The following GRIK4 variants were observed in gnomAD, a reference collection of about 807,000 sequenced individuals.
The protein encoded by GRIK4 is glutamate ionotropic receptor kainate type subunit 4.
GRIK4 carries 40 observed loss-of-function variants against 104.9 expected under a neutral mutation model. The observed-to-expected ratio is 0.38, with a 90% CI of 0.30 to 0.50. GRIK4 has a LOEUF of 0.50. GRIK4 is among the 20% of genes least tolerant of loss of function. The pLI is 0.93. For missense variants in GRIK4, 1,047 were observed against 1,308.1 expected, an observed-to-expected ratio of 0.80 and a Z score of 3.08; for synonymous variants, 485 against 524.9, an observed-to-expected ratio of 0.92 and a Z score of 1.04.
chr11:120,826,348 A>G (rs1953258642), intron 6 of GRIK4, among the ~76,000 whole-genome samples: 2 of 152,072 alleles, frequency 1.3e-5, no homozygotes, highest in African/African-American at 4.8e-5. Flanking sequence ...GAATCAGATA[A>G]TCTGGGTTTG....
chr11:120,790,102 C>T lies in GRIK4; in HGVS notation c.83-12591C>T, dbSNP rs575898874. 3.3e-5 allele frequency among the ~76,000 whole-genome samples: 5 copies of T among 152,282 alleles called. No individual in the cohort carries two copies. The East Asian group carries it at 7.7e-4, about 24-fold the overall frequency. ...ATGAACAGCTGGTTCATGGTGGGAG[C>T]ATCGTAAGATTTTGTCATATCACTT... On this transcript the variant is annotated intron_variant, in intron 3 of 20. Transcript: ENST00000527524.
Position 120,987,722 on chromosome 11 carries a change from T to C in GRIK4, c.*1462T>C, listed in dbSNP as rs1183208649. ...ACCAGGTGACTGCTAGTGACTGCTC[T>C]CCATGTGAGAAGTTTGCAGAGTCCA... is the stretch of plus-strand genomic sequence containing the variant. On this transcript the variant is annotated 3_prime_UTR_variant, in exon 21 of 21. Transcript: ENST00000527524. The C allele has an allele frequency of 6.6e-6, 1 of 152,326 alleles. No homozygotes were observed. Among genetic ancestry groups the C allele is most frequent in the East Asian group, 1.9e-4 (1 of 5,186 alleles). The allele number at this position is 152,326 out of a possible 1,614,324, so 9.4% of individuals were successfully genotyped here.
At chr11:120,916,623 C>T (rs762726353) in intron 13 of GRIK4, among the ~76,000 whole-genome samples, 15 of 152,102 alleles carry the variant, frequency 9.9e-5, no homozygotes, top group African/African-American at 2.4e-4. Context: ...GATGTGATAC[C>T]GCAAGTGGAA....
chr11:120,928,994 CGT>C (rs1565445101), intron 13 of GRIK4, among the ~76,000 whole-genome samples: 2 of 145,734 alleles, frequency 1.4e-5, no homozygotes, highest in Non-Finnish European at 3.0e-5. Flanking sequence ...TGTGTGCGCG[CGT>C]GCACGCGTGT....
At chr11:120,547,155 T>C (rs905192553) in intron 1 of GRIK4, among the ~76,000 whole-genome samples, 3 of 152,204 alleles carry the variant, frequency 2.0e-5, no homozygotes, top group African/African-American at 7.2e-5. Flanking sequence ...CCACTCATCC[T>C]CAGGAGCCAG....
At chr11:120,808,979 G>GC (rs549368418) in intron 4 of GRIK4, among the ~76,000 whole-genome samples, 1 of 152,138 alleles carries the variant, frequency 6.6e-6, no homozygotes, top group Non-Finnish European at 1.5e-5. Context: ...GGAGGACCTG[G>GC]CCCCCTGGGT....
In GRIK4 at chr11:120,838,935, C is replaced by T. The variant is rs564011697; in HGVS notation, c.744+2091C>T. ...CCAAGTAGCTGGGATTACAGGCACA[C>T]GCCACCATGCCTCGCTAATTTTTGT... On this transcript the variant is annotated intron_variant, in intron 8 of 20. Coordinates refer to ENST00000527524, the MANE Select transcript of GRIK4 (RefSeq NM_014619.5). Among the ~76,000 whole-genome samples, 356 of 152,224 alleles carry T rather than the reference C, an allele frequency of 2.3e-3. 2 individuals carry two copies. The highest frequency in any genetic ancestry group is 6.9e-3 in the African/African-American group (287 of 41,550).
chr11:120,813,782 A>G (rs1473227063), intron 4 of GRIK4, among the ~76,000 whole-genome samples: 2 of 152,194 alleles, frequency 1.3e-5, no homozygotes, highest in Non-Finnish European at 2.9e-5. Context: ...CTTAACCTCA[A>G]TTGCTAGGCC....
intron 1 of GRIK4, among the ~76,000 whole-genome samples, chr11:120,597,536 A>G (rs1021170809): frequency 2.0e-5 from 3 of 152,148 alleles, no homozygotes; most frequent in African/African-American, 7.2e-5. Flanking sequence ...TGTCACATAA[A>G]GGCAATTTCT....
In GRIK4 at chr11:120,967,751, TC is replaced by T; in HGVS notation, c.2395+431del. On this transcript the variant is annotated intron_variant, in intron 19 of 20. Coordinates refer to ENST00000527524, the MANE Select transcript of GRIK4 (RefSeq NM_014619.5). This position sits in a 1 kb window ranked among gnomAD's most constrained non-coding sequence, Gnocchi z 4.2. ...GATGGCAGCATTCCCCCCACAAACC[TC>T]CCAATGGTTTCCCATCCCACTGGGA... Among the ~76,000 whole-genome samples, 1 of 152,028 alleles carries T rather than the reference TC, an allele frequency of 6.6e-6. No individual in the cohort carries two copies. The highest frequency in any genetic ancestry group is 1.5e-5 in the Non-Finnish European group (1 of 67,962).
chr11:120,653,119 GTATT>G (rs1294842216), intron 1 of GRIK4, among the ~76,000 whole-genome samples: 2 of 152,238 alleles, frequency 1.3e-5, no homozygotes, highest in Non-Finnish European at 2.9e-5. Context: ...GCATTTGACA[GTATT>G]TATGTGTAGC....
Position 120,756,292 on chromosome 11 carries a change from C to G in GRIK4, c.83-46401C>G, listed in dbSNP as rs142335929. Among the ~76,000 whole-genome samples the G allele has an allele frequency of 7.3e-4, 111 of 152,324 alleles. 1 individual carries two copies. Among genetic ancestry groups the G allele is most frequent in the Middle Eastern group, 6.8e-3 (2 of 294 alleles). The stretch of plus-strand genomic sequence containing the variant: ...CCCCTCCAGCAAGATGGCTGGGACC[C>G]CATGTCCTAGCCTGCTCTTGCCCCT... On this transcript the variant is annotated intron_variant, in intron 3 of 20. Transcript: ENST00000527524.
intron 3 of GRIK4, among the ~76,000 whole-genome samples, chr11:120,764,969 G>A (rs1008801345): frequency 2.0e-5 from 3 of 152,074 alleles, no homozygotes; most frequent in Admixed American, 2.0e-4. Context: ...TCTTTGTGGT[G>A]TTCTCTGTAT....
chr11:120,655,950 G>A (rs556499201), intron 2 of GRIK4, among the ~76,000 whole-genome samples: 1 of 152,280 alleles, frequency 6.6e-6, no homozygotes, highest in South Asian at 2.1e-4. Context: ...GCGGTCATAA[G>A]TCTGGGCTTG....
At chr11:120,810,451 A>G (rs2135525381) in intron 4 of GRIK4, among the ~76,000 whole-genome samples, 1 of 152,294 alleles carries the variant, frequency 6.6e-6, no homozygotes, top group South Asian at 2.1e-4. Flanking sequence ...TGTGCTGTGA[A>G]TATAGGGAGG....
intron 1 of GRIK4, among the ~76,000 whole-genome samples, chr11:120,581,171 GTGAGATT>G (rs1168530061): frequency 1.3e-5 from 2 of 152,136 alleles, no homozygotes; most frequent in Non-Finnish European, 2.9e-5. Flanking sequence ...TTTATCAGAT[GTGAGATT>G]TGCAAATAAT....
At chr11:120,825,932 T>G (rs1349126659) in intron 6 of GRIK4, among the ~76,000 whole-genome samples, 1 of 152,180 alleles carries the variant, frequency 6.6e-6, no homozygotes, top group Non-Finnish European at 1.5e-5. Context: ...AGGATGGTAG[T>G]GGGCCTTCCC....
chr11:120,871,532 G>A (rs1359539689), intron 9 of GRIK4: 1 of 453,496 alleles, frequency 2.2e-6, no homozygotes, highest in Non-Finnish European at 4.4e-6. Context: ...GCAGAGGTGT[G>A]CACTGTTCCC....
At chr11:120,707,144 A>G (rs563822613) in intron 3 of GRIK4, among the ~76,000 whole-genome samples, 6 of 152,270 alleles carry the variant, frequency 3.9e-5, no homozygotes, top group African/African-American at 1.4e-4. Context: ...ATGGCCATTT[A>G]CAGAGGCCTG....
Sources: allele counts gnomAD v4.1 joint callset (sites outside exome capture counted in the v4.1 genomes callset), GRCh38; gene constraint gnomAD v4.1.1; non-coding constraint Gnocchi (gnomAD v3.1); transcripts MANE v1.5; gene names NCBI Gene and HGNC (gene_info 2026-07-23, HGNC 2026-07-21).